Variants in MAGI2 observed in about 807,000 individuals in gnomAD.
The protein encoded by MAGI2 is membrane associated guanylate kinase, WW and PDZ domain containing 2, also known as membrane-associated guanylate kinase, WW and PDZ domain-containing protein 2.
A neutral mutation model predicts 133.3 loss-of-function variants in MAGI2; 35 were observed. The ratio of observed to expected loss-of-function variants is 0.26; its 90% confidence interval spans 0.20 to 0.35. MAGI2 has a LOEUF of 0.35. MAGI2 is among the 10% of genes least tolerant of loss of function. The probability of loss-of-function intolerance (pLI) is 1.00; values close to 1 mark genes in which losing one functional copy is unlikely to be tolerated. For missense variants in MAGI2, 1,636 were observed against 1,863.4 expected (o/e 0.88, Z 2.25); for synonymous variants, 729 against 710.6 (o/e 1.03, Z -0.41).
intron 2 of MAGI2, among the ~76,000 whole-genome samples, chr7:78,894,505 G>A (rs1361417568): frequency 6.6e-6 from 1 of 152,124 alleles, no homozygotes; most frequent in Admixed American, 6.5e-5. Context: ...TCATGTACCT[G>A]TGCCATAATG....
chr7:78,397,742 C>T (rs17350535), intron 6 of MAGI2, among the ~76,000 whole-genome samples: 40,959 of 151,952 alleles, frequency 0.27, 6,041 homozygotes, highest in Middle Eastern at 0.36. Context: ...AGTTTCGCTT[C>T]TCACATGACT....
chr7:79,379,168 GT>G (rs1563168684), intron 1 of MAGI2, among the ~76,000 whole-genome samples: 1 of 146,912 alleles, frequency 6.8e-6, no homozygotes, highest in African/African-American at 2.5e-5. Flanking sequence ...GTGTCCAAGT[GT>G]TCTCATTGTT....
chr7:79,332,532 T>C (rs1840159337), intron 1 of MAGI2, among the ~76,000 whole-genome samples: 1 of 152,158 alleles, frequency 6.6e-6, no homozygotes, highest in Admixed American at 6.5e-5. Flanking sequence ...CCTGATCCTA[T>C]TAAATGTAGA....
chr7:78,211,909 T>C (rs1043427510), intron 10 of MAGI2, among the ~76,000 whole-genome samples: 2 of 152,250 alleles, frequency 1.3e-5, no homozygotes, highest in Non-Finnish European at 2.9e-5. Context: ...TTTCATCCCA[T>C]TGGAGTTTTC....
At chr7:78,177,954 T>C in intron 14 of MAGI2, 57 bp downstream of exon 14, 1 of 1,189,470 alleles carries the variant, frequency 8.4e-7, no homozygotes, top group Non-Finnish European at 1.3e-6. Context: ...CTATTTTCCC[T>C]GGTGTTTACT....
intron 1 of MAGI2, among the ~76,000 whole-genome samples, chr7:79,242,110 G>C (rs1832459759): frequency 6.6e-6 from 1 of 152,058 alleles, no homozygotes; most frequent in African/African-American, 2.4e-5. Flanking sequence ...AAGTTCAAGA[G>C]ATCTATTGTA....
chr7:78,934,985 C>T, intron 2 of MAGI2, among the ~76,000 whole-genome samples: 1 of 152,118 alleles, frequency 6.6e-6, no homozygotes. Context: ...AATCCTTATT[C>T]AGCTTGACTA....
chr7:79,319,818 T>C (rs1839030354), intron 1 of MAGI2, among the ~76,000 whole-genome samples: 3 of 152,150 alleles, frequency 2.0e-5, no homozygotes, highest in African/African-American at 7.2e-5. Flanking sequence ...TCCTGAAACC[T>C]AGCGGTGCCA....
At chr7:79,007,356 A>G (rs1316414552) in intron 1 of MAGI2, 150 bp from the exon 2 acceptor site, 7 of 565,888 alleles carry the variant, frequency 1.2e-5, no homozygotes, top group South Asian at 2.3e-5. Context: ...TACTGCCACA[A>G]TGATAACAGA....
At chr7:79,248,281 A>G (rs973610453) in intron 1 of MAGI2, among the ~76,000 whole-genome samples, 4 of 152,210 alleles carry the variant, frequency 2.6e-5, no homozygotes, top group African/African-American at 9.6e-5. Flanking sequence ...AGGTCATTAT[A>G]TAATGATAAA....
intron 2 of MAGI2, among the ~76,000 whole-genome samples, chr7:78,971,106 C>A (rs920982303): frequency 6.6e-6 from 1 of 151,986 alleles, no homozygotes; most frequent in Non-Finnish European, 1.5e-5. Context: ...TACCATATAT[C>A]TGGCTAAAAA....
chr7:78,638,448 G>A (rs1273011254), intron 2 of MAGI2, among the ~76,000 whole-genome samples: 1 of 152,130 alleles, frequency 6.6e-6, no homozygotes, highest in Non-Finnish European at 1.5e-5. Context: ...AAGAAACTTT[G>A]GTTGCATAAA....
intron 6 of MAGI2, among the ~76,000 whole-genome samples, chr7:78,452,591 T>C (rs184917771): frequency 6.6e-6 from 1 of 151,984 alleles, no homozygotes; most frequent in Non-Finnish European, 1.5e-5. Flanking sequence ...AAGTATGCAG[T>C]GTTTAATTAA....
intron 2 of MAGI2, among the ~76,000 whole-genome samples, chr7:78,774,881 A>G (rs1375978851): frequency 6.6e-6 from 1 of 152,206 alleles, no homozygotes; most frequent in Non-Finnish European, 1.5e-5. Flanking sequence ...AGAAAAAGTC[A>G]CCGCAGAAGA....
At chr7:78,326,293 G>A (rs190495499) in intron 9 of MAGI2, among the ~76,000 whole-genome samples, 5 of 152,266 alleles carry the variant, frequency 3.3e-5, no homozygotes, top group East Asian at 3.9e-4. Context: ...TTTCCCTTCC[G>A]TCTCTGAATC....
In MAGI2 at chr7:78,544,417, T is replaced by C. The variant is rs17150980; in HGVS notation, c.539-22772A>G. Among the ~76,000 whole-genome samples, 5,251 of 152,290 alleles carry C rather than the reference T, an allele frequency of 0.034. 630 individuals carry two copies. In the East Asian group the frequency reaches 0.41, roughly 12 times the overall value. On this transcript the variant is annotated intron_variant, in intron 3 of 21. Transcript: ENST00000354212. ...TTTAGATGGGAGCAGCCAAAAGTTT[T>C]TTGGCAACTGGCAAGAGTGTTTGTT...
At chr7:79,093,334 C>A (rs1358806673) in intron 1 of MAGI2, among the ~76,000 whole-genome samples, 1 of 152,210 alleles carries the variant, frequency 6.6e-6, no homozygotes, top group Non-Finnish European at 1.5e-5. Context: ...GAGTGAAATT[C>A]TTTAGCATAT....
At chr7:78,981,691 C>T (rs1804800204) in intron 2 of MAGI2, among the ~76,000 whole-genome samples, 1 of 151,624 alleles carries the variant, frequency 6.6e-6, no homozygotes, top group South Asian at 2.1e-4. Flanking sequence ...TTTTCTTTTT[C>T]CCATGTGGGA....
At position 78,851,427 on chromosome 7, in the gene MAGI2, A is replaced by G. The variant is rs1020991274; in HGVS notation, c.418+155663T>C. Among the ~76,000 whole-genome samples the G allele has an allele frequency of 2.6e-5, 4 of 152,242 alleles. No individual in the cohort carries two copies. In the East Asian group the frequency reaches 5.8e-4, roughly 22 times the overall value. ...ACTGTCTCAGACAGTGACATATGACATAAGTATTCTTATGAAACATAACAA... is the reference window on the plus strand; with the variant it reads ...ACTGTCTCAGACAGTGACATATGACGTAAGTATTCTTATGAAACATAACAA... On this transcript the variant is annotated intron_variant, in intron 2 of 21. Transcript: ENST00000354212.
Sources: gnomAD v4.1 joint callset for allele counts (sites outside exome capture counted in the v4.1 genomes callset) on GRCh38, gnomAD v4.1.1 for gene constraint, MANE v1.5 for transcripts, NCBI Gene and HGNC (gene_info 2026-07-23, HGNC 2026-07-21) for gene names.